The following TASP1 variants were observed in gnomAD, a reference collection of about 807,000 sequenced individuals.
TASP1 encodes the protein threonine aspartase 1.
A neutral mutation model predicts 56.6 loss-of-function variants in TASP1; 16 were observed. The ratio of observed to expected loss-of-function variants is 0.28; its 90% CI spans 0.19 to 0.43. The LOEUF (loss-of-function observed/expected upper bound fraction) is 0.43, where lower values mean the gene tolerates loss of function less well. Among genes scored for constraint, TASP1 ranks in the 20% least tolerant of loss-of-function variants. The probability of loss-of-function intolerance (pLI) is 1.00; values close to 1 mark genes in which losing one functional copy is unlikely to be tolerated. For missense variants in TASP1, 393 were observed against 511.6 expected, an observed-to-expected ratio of 0.77 and a Z score of 2.24; for synonymous variants, 179 against 184.2, an observed-to-expected ratio of 0.97 and a Z score of 0.23.
At chr20:13,438,352 A>T (rs977847308) in intron 11 of TASP1, among the ~76,000 whole-genome samples, 1 of 152,214 alleles carries the variant, frequency 6.6e-6, no homozygotes, top group Admixed American at 6.5e-5. Flanking sequence ...ATAATGCCAC[A>T]TATCTACAAC....
chr20:13,227,653 C>T, the TASP1 span, among the ~76,000 whole-genome samples: 11 of 151,574 alleles, frequency 7.3e-5, no homozygotes, highest in Admixed American at 3.9e-4. Context: ...GGACTACAGG[C>T]GCCCGCCACC....
the TASP1 span, among the ~76,000 whole-genome samples, chr20:13,364,025 C>A: frequency 0.29 from 43,947 of 151,694 alleles, 7,400 homozygotes; most frequent in African/African-American, 0.46. Flanking sequence ...AAGGTTTAAT[C>A]CCAGATAAGG....
At chr20:13,208,749 G>C in the TASP1 span, among the ~76,000 whole-genome samples, 3,113 of 152,292 alleles carry the variant, frequency 0.02, 54 homozygotes, top group Non-Finnish European at 0.031. Flanking sequence ...GAACAGAGCT[G>C]TTTTGTCCCA....
chr20:13,492,023 T>C (rs2043550156), intron 10 of TASP1, among the ~76,000 whole-genome samples: 1 of 152,162 alleles, frequency 6.6e-6, no homozygotes, highest in Non-Finnish European at 1.5e-5. Flanking sequence ...CCCACCTCAA[T>C]TCTAATACAA....
chr20:13,366,415 T>G, the TASP1 span, among the ~76,000 whole-genome samples: 1 of 152,204 alleles, frequency 6.6e-6, no homozygotes, highest in Non-Finnish European at 1.5e-5. Flanking sequence ...AGAACCCAAG[T>G]GAAGAAAGCC....
the TASP1 span, among the ~76,000 whole-genome samples, chr20:13,359,910 C>T: frequency 1.3e-5 from 2 of 152,010 alleles, no homozygotes; most frequent in Non-Finnish European, 1.5e-5. Context: ...CCCTTACCAT[C>T]TCATTAAAAC....
At chr20:13,550,883 GT>G (rs1307878133) in intron 8 of TASP1, among the ~76,000 whole-genome samples, 1 of 152,038 alleles carries the variant, frequency 6.6e-6, no homozygotes, top group Non-Finnish European at 1.5e-5. Context: ...AAAACATGTT[GT>G]TTTTTGTGCA....
chr20:13,414,359 G>A (rs1163725764), intron 13 of TASP1, among the ~76,000 whole-genome samples: 1 of 152,026 alleles, frequency 6.6e-6, no homozygotes, highest in East Asian at 1.9e-4. Context: ...GCCCCTCATT[G>A]GTGGTATTAA....
At chr20:13,175,483 C>A in the TASP1 span, among the ~76,000 whole-genome samples, 42 of 152,124 alleles carry the variant, frequency 2.8e-4, no homozygotes, top group Non-Finnish European at 5.1e-4. Flanking sequence ...AAGACTTAGG[C>A]AACAAAGATA....
the TASP1 span, among the ~76,000 whole-genome samples, chr20:13,352,026 C>T: frequency 0.32 from 48,695 of 152,016 alleles, 9,651 homozygotes; most frequent in African/African-American, 0.56. Context: ...TATTGGGCAG[C>T]GCACCCACAG....
chr20:13,612,878 A>C (rs1015811888), intron 4 of TASP1, among the ~76,000 whole-genome samples: 1 of 152,210 alleles, frequency 6.6e-6, no homozygotes, highest in African/African-American at 2.4e-5. Flanking sequence ...CCAAGAAATT[A>C]AAATTACTAC....
chr20:13,394,102 G>A (rs566965098), intron 13 of TASP1, among the ~76,000 whole-genome samples: 13 of 151,444 alleles, frequency 8.6e-5, no homozygotes, highest in South Asian at 2.1e-4. Flanking sequence ...CCAACAGGGC[G>A]AAACCCCACC....
chr20:13,516,271 T>C (rs939139138), intron 10 of TASP1, among the ~76,000 whole-genome samples: 1 of 152,106 alleles, frequency 6.6e-6, no homozygotes, highest in African/African-American at 2.4e-5. Context: ...GCAAGGGCCA[T>C]GAAGCAGCAT....
chr20:13,364,632 A>G, the TASP1 span, among the ~76,000 whole-genome samples: 1 of 151,678 alleles, frequency 6.6e-6, no homozygotes, highest in South Asian at 2.1e-4. Context: ...AAGTCTACAT[A>G]TCTGACCCCC....
At chr20:13,402,320 T>C (rs1383029995) in intron 13 of TASP1, among the ~76,000 whole-genome samples, 1 of 152,234 alleles carries the variant, frequency 6.6e-6, no homozygotes, top group Non-Finnish European at 1.5e-5. Context: ...GGAAACTGTT[T>C]TTCATACATT....
chr20:13,222,700 C>G, the TASP1 span, among the ~76,000 whole-genome samples: 1 of 152,190 alleles, frequency 6.6e-6, no homozygotes, highest in Non-Finnish European at 1.5e-5. Flanking sequence ...AGTGGACGGT[C>G]AGACATAATG....
the TASP1 span, among the ~76,000 whole-genome samples, chr20:13,281,647 G>GA: frequency 2.0e-5 from 3 of 152,134 alleles, no homozygotes; most frequent in South Asian, 6.2e-4. Context: ...CCTTTCTGGG[G>GA]AAAAAAGTAG....
chr20:13,501,942 T>C (rs1467297524), intron 10 of TASP1, among the ~76,000 whole-genome samples: 1 of 151,962 alleles, frequency 6.6e-6, no homozygotes, highest in East Asian at 1.9e-4. Flanking sequence ...GAATATTTTA[T>C]GATAAAAGTG....
At chr20:13,169,719 C>A in the TASP1 span, among the ~76,000 whole-genome samples, 1 of 152,042 alleles carries the variant, frequency 6.6e-6, no homozygotes, top group Non-Finnish European at 1.5e-5. Flanking sequence ...GTTAAACATA[C>A]GTAAAATCGA....
Sources: gnomAD v4.1 joint callset for allele counts (sites outside exome capture counted in the v4.1 genomes callset) on GRCh38, gnomAD v4.1.1 for gene constraint, MANE v1.5 for transcripts, NCBI Gene and HGNC (gene_info 2026-07-23, HGNC 2026-07-21) for gene names.